Variants in MTTP observed in about 807,000 individuals in gnomAD.
MTTP encodes microsomal triglyceride transfer protein large subunit.
Under a neutral mutation model 90.6 loss-of-function variants are expected in MTTP, and 49 were observed. That is an observed-to-expected ratio of 0.54 (90% CI 0.43 to 0.69). MTTP has a LOEUF of 0.69. MTTP is among the 30% of genes least tolerant of loss of function. MTTP has a pLI of 0.00. For synonymous variants in MTTP, 347 were observed against 384.2 expected, an observed-to-expected ratio of 0.90 and a Z score of 1.13; for missense variants, 945 against 1,067.5, an observed-to-expected ratio of 0.89 and a Z score of 1.60.
intron 4 of MTTP, among the ~76,000 whole-genome samples, chr4:99,590,581 T>C (rs1053260273): frequency 2.6e-5 from 4 of 151,832 alleles, no homozygotes; most frequent in African/African-American, 4.8e-5. Flanking sequence ...AGCCCATGAG[T>C]GGGTGAAAAA....
In MTTP at chr4:99,621,626, T is replaced by C. The variant is rs76530312; in HGVS notation, c.2513+395T>C. Among the ~76,000 whole-genome samples, 336 of 152,310 alleles carry C rather than the reference T, an allele frequency of 2.2e-3. 1 individual carries two copies. The highest frequency in any genetic ancestry group is 7.6e-3 in the African/African-American group (317 of 41,572). On this transcript the variant is annotated intron_variant, in intron 17 of 17. Coordinates refer to ENST00000265517, the MANE Select transcript of MTTP (RefSeq NM_001386140.1). ...TTCAAATAAAACACCTGGCAATCCA[T>C]TTACCATGTTTAAGGGCCAAAATGA...
At chr4:99,597,359 A>T (rs1224643240) in intron 8 of MTTP, 135 bp downstream of exon 8, 4 of 1,015,746 alleles carry the variant, frequency 3.9e-6, no homozygotes, top group Non-Finnish European at 5.9e-6. Flanking sequence ...CTACATTTTC[A>T]TCGAAAAGTT....
intron 10 of MTTP, among the ~76,000 whole-genome samples, chr4:99,603,456 C>T (rs962643086): frequency 6.6e-6 from 1 of 152,006 alleles, no homozygotes. Context: ...GAAGCATTTG[C>T]AATAACCTAG....
At chr4:99,596,196 A>G (rs1319937783) in intron 7 of MTTP, among the ~76,000 whole-genome samples, 4 of 152,182 alleles carry the variant, frequency 2.6e-5, no homozygotes. Context: ...GAGAAAAAAA[A>G]GGATCCATTG....
rs2110240255 is a variant in MTTP, at chr4:99,623,734, AAG to A, written c.*890_*891del. On this transcript the variant is annotated 3_prime_UTR_variant, in exon 18 of 18. Transcript: ENST00000265517. ...ACTCTGCACAATAGCTAGGATGACT[AAG>A]AGAACATTGCTTCAAGAAACTGGTG... 6.6e-6 allele frequency: 1 copy of A among 152,342 alleles called. No individual in the cohort carries two copies. Among genetic ancestry groups the A allele is most frequent in the South Asian group, 2.1e-4 (1 of 4,832 alleles). The allele number at this position is 152,342 out of a possible 1,614,324, so 9.4% of individuals were successfully genotyped here.
intron 8 of MTTP, among the ~76,000 whole-genome samples, chr4:99,598,399 A>T (rs1725609914): frequency 6.6e-6 from 1 of 152,170 alleles, no homozygotes; most frequent in Non-Finnish European, 1.5e-5. Flanking sequence ...AAGTGGAATA[A>T]TTAGGTATTA....
intron 6 of MTTP, among the ~76,000 whole-genome samples, chr4:99,593,155 T>C (rs1393115967): frequency 6.6e-6 from 1 of 152,164 alleles, no homozygotes; most frequent in Admixed American, 6.6e-5. Flanking sequence ...TCCTTGAAAA[T>C]AGTGATTATA....
intron 3 of MTTP, among the ~76,000 whole-genome samples, chr4:99,585,339 T>C (rs1035388850): frequency 6.6e-6 from 1 of 152,120 alleles, no homozygotes; most frequent in Non-Finnish European, 1.5e-5. Flanking sequence ...TTAGGAAATT[T>C]GCCTATGGTC....
At position 99,586,938 on chromosome 4, in the gene MTTP, A is replaced by G. The variant is rs544154018; in HGVS notation, c.394-2705A>G. On this transcript the variant is annotated intron_variant, in intron 3 of 17. Coordinates refer to ENST00000265517, the MANE Select transcript of MTTP (RefSeq NM_001386140.1). ...TAAAGACTTCGTTTGTAACCAGGTCATACCTGCTGCTGCTCTTTGGAAGCT... is the reference window on the plus strand; with the variant it reads ...TAAAGACTTCGTTTGTAACCAGGTCGTACCTGCTGCTGCTCTTTGGAAGCT... Among the ~76,000 whole-genome samples, 36 of 152,220 alleles carry G rather than the reference A, an allele frequency of 2.4e-4. No homozygotes were observed. In the South Asian group the frequency reaches 2.5e-3, roughly 11 times the overall value.
intron 10 of MTTP, among the ~76,000 whole-genome samples, chr4:99,602,835 G>A (rs1725729792): frequency 6.6e-6 from 1 of 151,992 alleles, no homozygotes; most frequent in African/African-American, 2.4e-5. Flanking sequence ...TATTTAATGA[G>A]CATCTACTCT....
chr4:99,605,133 G>A (rs752252574), intron 10 of MTTP, among the ~76,000 whole-genome samples: 2 of 151,846 alleles, frequency 1.3e-5, no homozygotes, highest in East Asian at 3.9e-4. Context: ...TAGTAATGTG[G>A]TTCAAAAGGC....
chr4:99,603,496 T>C (rs1004690502), intron 10 of MTTP, among the ~76,000 whole-genome samples: 4 of 152,116 alleles, frequency 2.6e-5, no homozygotes, highest in Non-Finnish European at 5.9e-5. Context: ...TGAATTAATG[T>C]AGGGGCAGAG....
At chr4:99,566,118 T>C (rs1724688164) in intron 1 of MTTP, among the ~76,000 whole-genome samples, 2 of 151,716 alleles carry the variant, frequency 1.3e-5, no homozygotes, top group Admixed American at 1.3e-4. Flanking sequence ...TGAAACCCCG[T>C]CTCTGCTGAA....
chr4:99,595,649 T>C (rs1725535796), intron 7 of MTTP: 1 of 152,162 alleles, frequency 6.6e-6, no homozygotes, highest in African/African-American at 2.4e-5. Context: ...TTGCTTAAAG[T>C]ACAAGACAGT....
chr4:99,586,015 C>A lies in MTTP; in HGVS notation c.393+2498C>A, dbSNP rs559613607. Among the ~76,000 whole-genome samples, 4 of 152,176 alleles carry A rather than the reference C, an allele frequency of 2.6e-5. No individual in the cohort carries two copies. In the South Asian group the frequency reaches 8.3e-4, roughly 32 times the overall value. ...ATGGACAGGCTATTTTCTTAGAGAG[C>A]ATTTTCTACCACAGGCTCAAATTAA... On this transcript the variant is annotated intron_variant, in intron 3 of 17. Transcript: ENST00000265517.
At chr4:99,575,074 T>G (rs1313940780) in intron 1 of MTTP, 104 bp downstream of exon 1, 1 of 1,304,294 alleles carries the variant, frequency 7.7e-7, no homozygotes, top group African/African-American at 1.5e-5. Flanking sequence ...TGAAAGAGTT[T>G]CTGACTAAAC....
intron 10 of MTTP, 81 bp downstream of exon 10, chr4:99,601,795 C>A: frequency 9.2e-7 from 1 of 1,081,648 alleles, no homozygotes; most frequent in Non-Finnish European, 1.4e-6. Flanking sequence ...CTACTATTGG[C>A]ACTCCTAATT....
Position 99,613,070 on chromosome 4 carries a change from A to C in MTTP, c.2147A>C (p.Lys716Thr), listed in dbSNP as rs1194516375. The C allele has an allele frequency of 5.0e-6, 8 of 1,613,992 alleles. No homozygotes were observed. The highest frequency in any genetic ancestry group is 6.8e-6 in the Non-Finnish European group (8 of 1,179,980). Residue 716 changes from lysine (K) to threonine (T), a missense_variant, in exon 15 of 18, where the codon AAA becomes ACA. Lys to Thr is a moderately conservative substitution (Grantham distance 78). Coordinates refer to ENST00000265517, the MANE Select transcript of MTTP (RefSeq NM_001386140.1). ...AACGGATACAGTGATTTGATGTCCAAAATGCTGTCAGCATCTGGCGACCCT... is the reference window on the plus strand; with the variant it reads ...AACGGATACAGTGATTTGATGTCCACAATGCTGTCAGCATCTGGCGACCCT... ...FFNGYSDLMS[K>T]MLSASGDPIS...
rs138150451 is a variant in MTTP, at chr4:99,584,468, C to T, written c.393+951C>T. 5.9e-3 allele frequency among the ~76,000 whole-genome samples: 892 copies of T among 152,212 alleles called. 8 individuals are homozygous for T. Among genetic ancestry groups the T allele is most frequent in the African/African-American group, 0.019 (792 of 41,538 alleles). On this transcript the variant is annotated intron_variant, in intron 3 of 17. Coordinates refer to ENST00000265517, the MANE Select transcript of MTTP (RefSeq NM_001386140.1). ...TTGAAAACAAATACTTTGGACATTT[C>T]ATATATGTATATTGCTAATCATGAT...
Sources: gnomAD v4.1 joint callset for allele counts (sites outside exome capture counted in the v4.1 genomes callset) on GRCh38, gnomAD v4.1.1 for gene constraint, MANE v1.5 for transcripts, NCBI Gene and HGNC (gene_info 2026-07-23, HGNC 2026-07-21) for gene names.